The following RSPRY1 variants were observed in gnomAD, a reference collection of about 807,000 sequenced individuals.
RSPRY1 encodes ring finger and SPRY domain containing 1.
A neutral mutation model predicts 73.1 loss-of-function variants in RSPRY1; 23 were observed. The observed-to-expected ratio is 0.31, with a 90% CI of 0.23 to 0.45. The LOEUF (loss-of-function observed/expected upper bound fraction) is 0.45, where lower values mean the gene tolerates loss of function less well. RSPRY1 is among the 20% of genes least tolerant of loss of function. RSPRY1 has a pLI of 1.00. For missense variants in RSPRY1, 448 were observed against 698.7 expected, an observed-to-expected ratio of 0.64 and a Z score of 4.05; for synonymous variants, 226 against 251.4, an observed-to-expected ratio of 0.90 and a Z score of 0.95.
chr16:57,198,431 A>C (rs2146197617), intron 1 of RSPRY1, among the ~76,000 whole-genome samples: 1 of 152,292 alleles, frequency 6.6e-6, no homozygotes, highest in African/African-American at 2.4e-5. Context: ...ATTATTCTGT[A>C]TTCAGTGTAT....
intron 1 of RSPRY1, among the ~76,000 whole-genome samples, chr16:57,188,511 G>GT (rs1342362519): frequency 1.3e-4 from 19 of 148,116 alleles, no homozygotes; most frequent in African/African-American, 4.9e-4. Context: ...TGTGTTTTTG[G>GT]TTTTTTTGTT....
intron 4 of RSPRY1, among the ~76,000 whole-genome samples, chr16:57,210,150 C>T (rs1210781839): frequency 6.6e-6 from 1 of 150,890 alleles, no homozygotes; most frequent in Non-Finnish European, 1.5e-5. Flanking sequence ...ACAGTCATGG[C>T]TCACTGTATC....
At position 57,230,894 on chromosome 16, in the gene RSPRY1, T is replaced by C. The variant is rs1411482705; in HGVS notation, c.1376+81T>C. 3 of 841,866 alleles carry C rather than the reference T, an allele frequency of 3.6e-6. No homozygotes were observed. The African/African-American group carries it at 5.1e-5, about 14-fold the overall frequency. 52.1% of individuals were successfully genotyped at this position (841,866 alleles called of 1,614,324 possible). On this transcript the variant is annotated intron_variant, in intron 12 of 14. Coordinates refer to ENST00000394420, the MANE Select transcript of RSPRY1 (RefSeq NM_133368.3). ...CTAGGAAAAAAAAAGTCTTTGTCCA[T>C]TTATATATGCAATTGTGATGAGAAA...
chr16:57,220,981 G>A (rs1354261083), intron 9 of RSPRY1, 134 bp downstream of exon 9: 16 of 709,414 alleles, frequency 2.3e-5, no homozygotes, highest in African/African-American at 3.6e-5. Context: ...ACTTCAGGGG[G>A]AAGTCTCAAA....
At chr16:57,208,400 ATT>A (rs1455912780) in intron 3 of RSPRY1, among the ~76,000 whole-genome samples, 63 of 50,116 alleles carry the variant, frequency 1.3e-3, no homozygotes, top group African/African-American at 2.0e-3. Flanking sequence ...ATATATATAT[ATT>A]TTTTTTTTTT....
rs1220221440 is a variant in RSPRY1 at position 57,209,059 on chromosome 16, CT to C, written c.404-14del. ...AATAGTGACTCCATCATATAATCTT[CT>C]TGATTTGCTCTTAGATGAAGGATGG... On this transcript the variant is annotated splice_polypyrimidine_tract_variant and intron_variant, in intron 3 of 14. Coordinates refer to ENST00000394420, the MANE Select transcript of RSPRY1 (RefSeq NM_133368.3). 1.3e-6 allele frequency: 2 copies of C among 1,526,072 alleles called. No homozygotes were observed. The highest frequency in any genetic ancestry group is 1.4e-5 in the African/African-American group (1 of 72,850). 94.5% of individuals were successfully genotyped at this position (1,526,072 alleles called of 1,614,324 possible). A position where few individuals can be genotyped will look rare whatever the true frequency, so the allele number is the denominator to read the frequency against.
At chr16:57,200,276 A>G (rs1360003209) in intron 1 of RSPRY1, among the ~76,000 whole-genome samples, 1 of 149,986 alleles carries the variant, frequency 6.7e-6, no homozygotes, top group East Asian at 2.0e-4. Context: ...TTAGTACAGA[A>G]CAAAATGAAA....
chr16:57,230,885 C>A (rs749337238), intron 12 of RSPRY1, 72 bp downstream of exon 12: 5 of 926,722 alleles, frequency 5.4e-6, no homozygotes, highest in East Asian at 2.5e-5. Flanking sequence ...AAAAAAAAGT[C>A]TTTGTCCATT....
chr16:57,229,822 C>T (rs2075182384), intron 11 of RSPRY1, among the ~76,000 whole-genome samples: 1 of 146,108 alleles, frequency 6.8e-6, no homozygotes, highest in African/African-American at 2.5e-5. Context: ...TTTCCTGCCT[C>T]AGCCTCCCAA....
rs142839554 is a variant in RSPRY1, at chr16:57,230,772, C to T, written c.1335C>T (p.Gly445=). ...NEKQMIFFLN[G]NQLPPEKQVF... Reference sequence around the variant, plus strand: ...AGCAAATGATCTTCTTTTTAAATGGCAACCAGCTGCCTCCTGAAAAGCAAG... The same window carrying T: ...AGCAAATGATCTTCTTTTTAAATGGTAACCAGCTGCCTCCTGAAAAGCAAG... The change falls in exon 12 of 15, where the codon GGC becomes GGT. Residue 445 remains glycine, a synonymous_variant. Coordinates refer to ENST00000394420, the MANE Select transcript of RSPRY1 (RefSeq NM_133368.3). The T allele has an allele frequency of 1.9e-4, 305 of 1,611,966 alleles. 2 individuals carry two copies. The African/African-American group carries it at 3.9e-3, about 20-fold the overall frequency.
intron 7 of RSPRY1, chr16:57,216,597 A>C (rs1385954880): frequency 5.3e-6 from 2 of 376,790 alleles, no homozygotes; most frequent in Non-Finnish European, 9.8e-6. Flanking sequence ...GCATGCACCT[A>C]TGTTCCTAGC....
chr16:57,237,807 G>C (rs368089371), intron 14 of RSPRY1, among the ~76,000 whole-genome samples: 1 of 152,068 alleles, frequency 6.6e-6, no homozygotes, highest in African/African-American at 2.4e-5. Flanking sequence ...CGCCTCCCGA[G>C]CTCAAGTGAT....
chr16:57,205,764 T>G (rs1185996965), intron 2 of RSPRY1, among the ~76,000 whole-genome samples: 1 of 152,240 alleles, frequency 6.6e-6, no homozygotes, highest in Non-Finnish European at 1.5e-5. Context: ...AGTTACTTCT[T>G]GAAGCCTCAG....
chr16:57,201,161 C>T (rs1296120506), intron 1 of RSPRY1, among the ~76,000 whole-genome samples: 1 of 151,336 alleles, frequency 6.6e-6, no homozygotes, highest in Admixed American at 6.6e-5. Context: ...ACTTCTCAGA[C>T]GGTGTGGCTG....
At chr16:57,224,147 G>A (rs1488160708) in intron 10 of RSPRY1, among the ~76,000 whole-genome samples, 1 of 152,224 alleles carries the variant, frequency 6.6e-6, no homozygotes, top group Non-Finnish European at 1.5e-5. Flanking sequence ...CCAAGAAACA[G>A]GAAGTACAAT....
chr16:57,196,037 AT>A (rs1460807460), intron 1 of RSPRY1, among the ~76,000 whole-genome samples: 9 of 141,884 alleles, frequency 6.3e-5, no homozygotes, highest in African/African-American at 2.1e-4. Context: ...AAAAAAAAAT[AT>A]ATATATATAT....
At chr16:57,195,736 G>T (rs2146181070) in intron 1 of RSPRY1, among the ~76,000 whole-genome samples, 1 of 149,542 alleles carries the variant, frequency 6.7e-6, no homozygotes, top group East Asian at 2.0e-4. Flanking sequence ...AAGAATATAG[G>T]TATTGGCCAG....
intron 1 of RSPRY1, among the ~76,000 whole-genome samples, chr16:57,200,983 C>T (rs576662707): frequency 6.3e-5 from 4 of 63,326 alleles, no homozygotes; most frequent in East Asian, 5.0e-4. Flanking sequence ...ACCTCCCTCC[C>T]GGACGGGCGG....
At chr16:57,187,096 A>G (rs1254952007) in intron 1 of RSPRY1, 1 of 152,238 alleles carries the variant, frequency 6.6e-6, no homozygotes, top group Non-Finnish European at 1.5e-5. Context: ...GATGGGAAGA[A>G]GACACCTCCA....
Sources: gnomAD v4.1 joint callset for allele counts (sites outside exome capture counted in the v4.1 genomes callset) on GRCh38, gnomAD v4.1.1 for gene constraint, MANE v1.5 for transcripts, NCBI Gene and HGNC (gene_info 2026-07-23, HGNC 2026-07-21) for gene names.